Variants in GPM6A observed in about 807,000 individuals in gnomAD.
GPM6A encodes the protein glycoprotein M6A.
GPM6A carries 7 observed loss-of-function variants against 32.1 expected under a neutral mutation model. The ratio of observed to expected loss-of-function variants is 0.22; its 90% CI spans 0.12 to 0.41. The LOEUF (loss-of-function observed/expected upper bound fraction) is 0.41. Ranked by LOEUF, GPM6A falls within the 10% of genes least tolerant of loss-of-function variation. The pLI, the probability that GPM6A is intolerant of heterozygous loss-of-function variation, is 1.00. For missense variants in GPM6A, 235 were observed against 347.2 expected, an observed-to-expected ratio of 0.68 and a Z score of 2.57; for synonymous variants, 130 against 123.4, an observed-to-expected ratio of 1.05 and a Z score of -0.35.
At chr4:175,657,925 G>A (rs1316896621) in intron 3 of GPM6A, among the ~76,000 whole-genome samples, 5 of 152,024 alleles carry the variant, frequency 3.3e-5, no homozygotes, top group Non-Finnish European at 7.4e-5. Context: ...ACTGCAAAGG[G>A]AAAAAACATT....
chr4:175,989,419 G>C (rs71613770), intron 1 of GPM6A, among the ~76,000 whole-genome samples: 19,089 of 152,004 alleles, frequency 0.13, 1,282 homozygotes, highest in East Asian at 0.24. Context: ...CAGAATTATG[G>C]AGACCTACAG....
intron 4 of GPM6A, among the ~76,000 whole-genome samples, chr4:175,647,610 G>C (rs1245742492): frequency 3.3e-5 from 5 of 152,156 alleles, no homozygotes; most frequent in Non-Finnish European, 7.3e-5. Context: ...ATTATAGGCT[G>C]AGAGTTCCTA....
chr4:175,717,106 C>T (rs898357632), intron 1 of GPM6A, among the ~76,000 whole-genome samples: 19 of 151,838 alleles, frequency 1.3e-4, no homozygotes, highest in South Asian at 2.1e-4. Context: ...TGTGTGATCT[C>T]GCCAGCATCA....
chr4:175,642,884 A>G (rs552795711), intron 4 of GPM6A, among the ~76,000 whole-genome samples: 25 of 152,290 alleles, frequency 1.6e-4, no homozygotes, highest in Admixed American at 3.9e-4. Context: ...ATTTCTAATA[A>G]GCATTTTAAA....
chr4:175,933,606 G>A (rs1010641242), intron 1 of GPM6A, among the ~76,000 whole-genome samples: 1 of 151,776 alleles, frequency 6.6e-6, no homozygotes, highest in Non-Finnish European at 1.5e-5. Context: ...GTTTTTTCAC[G>A]ATCTTGGCTC....
chr4:175,705,049 G>A (rs1157321777), intron 1 of GPM6A, among the ~76,000 whole-genome samples: 2 of 152,070 alleles, frequency 1.3e-5, no homozygotes, highest in South Asian at 4.1e-4. Context: ...ACTTTAAATG[G>A]ACCAGTTCTA....
intron 1 of GPM6A, among the ~76,000 whole-genome samples, chr4:175,933,034 C>T (rs1372390623): frequency 6.6e-6 from 1 of 151,714 alleles, no homozygotes; most frequent in African/African-American, 2.4e-5. Flanking sequence ...AAACACCACA[C>T]AACTATATAC....
chr4:175,671,984 G>GA (rs773227963), intron 3 of GPM6A, among the ~76,000 whole-genome samples: 14,637 of 109,358 alleles, frequency 0.13, 862 homozygotes, highest in South Asian at 0.21. Context: ...TACCATTATA[G>GA]AAAAAAAAAA....
rs1491118582 is a variant in GPM6A at position 175,636,297 on chromosome 4, T to TATAC, written c.685-1241_685-1240insGTAT. 2.9e-3 allele frequency among the ~76,000 whole-genome samples: 383 copies of TATAC among 132,066 alleles called. 8 individuals are homozygous for TATAC. Among genetic ancestry groups the TATAC allele is most frequent in the African/African-American group, 8.1e-3 (282 of 34,854 alleles). 86.6% of individuals were successfully genotyped at this position (132,066 alleles called of 152,430 possible). On this transcript the variant is annotated intron_variant, in intron 6 of 6. Coordinates refer to ENST00000393658, the MANE Select transcript of GPM6A (RefSeq NM_201591.3). ...ATATATATATATATATATATATATA[T>TATAC]ACATATATATATGGATTAAATAAGG...
intron 4 of GPM6A, chr4:175,641,229 T>C (rs918790865): frequency 6.8e-5 from 12 of 176,188 alleles, no homozygotes; most frequent in East Asian, 4.8e-4. Context: ...TCTGTTAATC[T>C]CTAAAAGCAT....
chr4:175,646,754 C>T (rs776945840), intron 4 of GPM6A, among the ~76,000 whole-genome samples: 1 of 152,300 alleles, frequency 6.6e-6, no homozygotes, highest in East Asian at 1.9e-4. Context: ...CCTCAGGAAA[C>T]TCACCATCAG....
intron 2 of GPM6A, among the ~76,000 whole-genome samples, chr4:175,684,990 C>T (rs1743897071): frequency 1.3e-5 from 2 of 152,002 alleles, no homozygotes; most frequent in Admixed American, 1.3e-4. Flanking sequence ...CAGGTTCACG[C>T]CATTCTCCTG....
intron 3 of GPM6A, among the ~76,000 whole-genome samples, chr4:175,671,155 G>A (rs1445259266): frequency 2.0e-5 from 3 of 151,852 alleles, no homozygotes; most frequent in Non-Finnish European, 4.4e-5. Context: ...GAGCCACCAC[G>A]CCCGGCCTGC....
At chr4:175,961,426 G>A (rs1740159753) in intron 1 of GPM6A, 1 of 152,106 alleles carries the variant, frequency 6.6e-6, no homozygotes, top group African/African-American at 2.4e-5. Context: ...GAGACAAATG[G>A]ACACCCCCCA....
intron 1 of GPM6A, among the ~76,000 whole-genome samples, chr4:175,979,217 C>T (rs1740751051): frequency 6.6e-6 from 1 of 152,070 alleles, no homozygotes; most frequent in South Asian, 2.1e-4. Context: ...ATTTCAATTC[C>T]ATAAACTAAC....
intron 1 of GPM6A, among the ~76,000 whole-genome samples, chr4:175,775,469 A>G (rs796118655): frequency 6.6e-5 from 10 of 152,274 alleles, no homozygotes; most frequent in African/African-American, 2.4e-4. Context: ...GAATTTCACT[A>G]AAAACCCTAG....
chr4:175,811,915 A>G, intron 1 of GPM6A: 1 of 283,580 alleles, frequency 3.5e-6, no homozygotes, highest in South Asian at 1.4e-4. Context: ...GAAGGTTAAC[A>G]AAGACTGGTC....
At chr4:175,928,967 A>G (rs904521238) in intron 1 of GPM6A, among the ~76,000 whole-genome samples, 5 of 152,214 alleles carry the variant, frequency 3.3e-5, no homozygotes, top group African/African-American at 1.2e-4. Context: ...ACATTTCAAC[A>G]ATATTCATAT....
At chr4:175,671,005 A>G (rs1249736105) in intron 3 of GPM6A, among the ~76,000 whole-genome samples, 2 of 151,798 alleles carry the variant, frequency 1.3e-5, no homozygotes, top group African/African-American at 4.8e-5. Flanking sequence ...CTGGAATTAC[A>G]GGCGCCTGCC....
Sources: allele counts gnomAD v4.1 joint callset (sites outside exome capture counted in the v4.1 genomes callset), GRCh38; gene constraint gnomAD v4.1.1; transcripts MANE v1.5; gene names NCBI Gene and HGNC (gene_info 2026-07-23, HGNC 2026-07-21).